Variants in POLB observed in about 807,000 individuals in gnomAD.
POLB encodes 5'-dRP lyase.
POLB carries 37 observed loss-of-function variants against 52.7 expected under a neutral mutation model. The observed-to-expected ratio is 0.70, with a 90% confidence interval of 0.54 to 0.92. POLB has a LOEUF of 0.92. Ranked by LOEUF, POLB falls within the 40% of genes least tolerant of loss-of-function variation. POLB has a pLI of 0.00. For synonymous variants in POLB, 138 were observed against 131.3 expected (o/e 1.05, Z -0.35); for missense variants, 313 against 400.8 (o/e 0.78, Z 1.87).
chr8:42,370,112 A>C (rs755260453), intron 13 of POLB, 124 bp downstream of exon 13: 2 of 780,160 alleles, frequency 2.6e-6, no homozygotes, highest in Non-Finnish European at 4.4e-6. Flanking sequence ...TTGTATTTTT[A>C]GTCCTTCAGG....
intron 11 of POLB, 47 bp from the exon 12 acceptor site, chr8:42,369,224 C>G (rs192235866): frequency 4.7e-5 from 54 of 1,139,150 alleles, no homozygotes; most frequent in Non-Finnish European, 6.7e-5. Context: ...AAAATTAAGC[C>G]TTAAGTTTAG....
intron 2 of POLB, 106 bp from the exon 3 acceptor site, chr8:42,344,847 G>T: frequency 1.4e-6 from 1 of 714,846 alleles, no homozygotes; most frequent in Non-Finnish European, 2.5e-6. Context: ...AGTTATCTTG[G>T]TGAAAGCATA....
At chr8:42,347,932 A>G (rs1465617502) in intron 3 of POLB, among the ~76,000 whole-genome samples, 1 of 152,202 alleles carries the variant, frequency 6.6e-6, no homozygotes, top group African/African-American at 2.4e-5. Flanking sequence ...ATGTTTAACT[A>G]AAAAGGACAG....
chr8:42,354,650 T>C, intron 6 of POLB: 1 of 391,300 alleles, frequency 2.6e-6, no homozygotes, highest in Non-Finnish European at 5.1e-6. Context: ...TTCAAGTGAT[T>C]CTCCTGCCTC....
chr8:42,370,265 T>G (rs1010584619), intron 13 of POLB: 40 of 439,090 alleles, frequency 9.1e-5, no homozygotes, highest in East Asian at 6.4e-4. Flanking sequence ...AAGGGTTTTT[T>G]TTTTTTTTTT....
At chr8:42,354,220 T>G (rs1387233754) in intron 6 of POLB, among the ~76,000 whole-genome samples, 1 of 152,230 alleles carries the variant, frequency 6.6e-6, no homozygotes, top group Non-Finnish European at 1.5e-5. Flanking sequence ...GTATTTCCAC[T>G]TCTTCAGTTT....
chr8:42,338,906 A>T, intron 1 of POLB, 106 bp from the exon 2 acceptor site: 1 of 1,057,334 alleles, frequency 9.5e-7, no homozygotes, highest in Non-Finnish European at 1.5e-6. Context: ...CTTGGAGGAA[A>T]CGGGTGGTCA....
intron 6 of POLB, among the ~76,000 whole-genome samples, chr8:42,354,724 A>T (rs1382852927): frequency 1.3e-5 from 2 of 151,208 alleles, no homozygotes; most frequent in Non-Finnish European, 3.0e-5. Flanking sequence ...TTGAAGTTTT[A>T]GTGGAGACAG....
intron 11 of POLB, among the ~76,000 whole-genome samples, chr8:42,364,887 A>T (rs149452850): frequency 3.9e-5 from 6 of 152,164 alleles, no homozygotes; most frequent in Non-Finnish European, 7.3e-5. Flanking sequence ...TGGTTGCACA[A>T]CAGTGTGAAT....
At chr8:42,368,018 A>T (rs1385746329) in intron 11 of POLB, among the ~76,000 whole-genome samples, 1 of 152,234 alleles carries the variant, frequency 6.6e-6, no homozygotes, top group Non-Finnish European at 1.5e-5. Context: ...GAAATGCCAA[A>T]CAAAGCTAAT....
chr8:42,350,194 C>G, intron 5 of POLB, 129 bp downstream of exon 5: 1 of 704,476 alleles, frequency 1.4e-6, no homozygotes. Context: ...ACAGTTCACC[C>G]TTCCATAGCT....
chr8:42,358,160 C>T (rs1023029488), intron 9 of POLB, among the ~76,000 whole-genome samples: 1 of 152,122 alleles, frequency 6.6e-6, no homozygotes. Context: ...CCATATAATC[C>T]TGGTGTCTTA....
chr8:42,362,744 C>G, intron 11 of POLB, 46 bp downstream of exon 11: 1 of 1,002,524 alleles, frequency 1.0e-6, no homozygotes, highest in South Asian at 1.3e-5. Flanking sequence ...AACTTGGAGA[C>G]TGTTCAGTAG....
intron 2 of POLB, among the ~76,000 whole-genome samples, chr8:42,341,247 T>A (rs568950112): frequency 6.6e-6 from 1 of 152,318 alleles, no homozygotes; most frequent in African/African-American, 2.4e-5. Context: ...AAATACATCA[T>A]AGCATACAAA....
chr8:42,362,575 T>C (rs767644483), intron 10 of POLB, 37 bp from the exon 11 acceptor site: 1 of 1,212,612 alleles, frequency 8.2e-7, no homozygotes, highest in Non-Finnish European at 1.2e-6. Flanking sequence ...TACAAAGTAA[T>C]TACTCTTTTT....
At chr8:42,357,075 G>C (rs1165430147) in intron 7 of POLB, 94 bp from the exon 8 acceptor site, 1 of 698,294 alleles carries the variant, frequency 1.4e-6, no homozygotes. Context: ...TGATCTGCTG[G>C]TATGGCACGG....
At chr8:42,365,136 T>C (rs1823960893) in intron 11 of POLB, among the ~76,000 whole-genome samples, 1 of 152,046 alleles carries the variant, frequency 6.6e-6, no homozygotes. Flanking sequence ...TTGTATGTTG[T>C]GTATATTTAA....
At chr8:42,365,945 C>CA (rs1302070516) in intron 11 of POLB, among the ~76,000 whole-genome samples, 2 of 151,756 alleles carry the variant, frequency 1.3e-5, no homozygotes, top group Admixed American at 1.3e-4. Context: ...ACTAAAAATA[C>CA]AAAAATTAGC....
At position 42,369,874 on chromosome 8, in the gene POLB, T is replaced by G; in HGVS notation, c.799T>G (p.Cys267Gly). 6.2e-7 allele frequency: 1 copy of G among 1,604,930 alleles called. No individual in the cohort carries two copies. The change falls in exon 13 of 14, where the codon TGT (cysteine) becomes GGT (glycine). Residue 267 changes from cysteine (C) to glycine (G), a missense_variant. Cys to Gly is a radical substitution (Grantham distance 159). This residue lies in a region of POLB where 246 missense variants were observed against 297.6 expected (regional missense o/e 0.83). Coordinates refer to ENST00000265421, the MANE Select transcript of POLB (RefSeq NM_002690.3). ...IRLIPKDQYYCGVLYFTGSDI... is the reference protein window; with the variant it reads ...IRLIPKDQYYGGVLYFTGSDI... ...GTTGATACCCAAAGATCAGTATTAC[T>G]GTGGTGTTCTCTATTTCACTGGGAG...
Sources: allele counts gnomAD v4.1 joint callset (sites outside exome capture counted in the v4.1 genomes callset), GRCh38; gene constraint gnomAD v4.1.1; regional missense constraint gnomAD v4.1.1; transcripts MANE v1.5; gene names NCBI Gene and HGNC (gene_info 2026-07-23, HGNC 2026-07-21).